CRACD: variants seen among roughly 807,000 people sequenced by gnomAD.
The protein encoded by CRACD is capping protein inhibiting regulator of actin dynamics, also known as capping protein-inhibiting regulator of actin dynamics.
CRACD carries 56 observed loss-of-function variants against 106.8 expected under a neutral mutation model. The observed-to-expected ratio is 0.52, with a 90% confidence interval of 0.42 to 0.66. The LOEUF (loss-of-function observed/expected upper bound fraction) is 0.66. Ranked by LOEUF, CRACD falls within the 30% of genes least tolerant of loss-of-function variation. The pLI is 0.00. For synonymous variants in CRACD, 754 were observed against 670.8 expected, an observed-to-expected ratio of 1.12 and a Z score of -1.92; for missense variants, 1,730 against 1,623.2, an observed-to-expected ratio of 1.07 and a Z score of -1.13.
At chr4:56,200,654 C>T (rs189822624) in intron 2 of CRACD, among the ~76,000 whole-genome samples, 551 of 152,214 alleles carry the variant, frequency 3.6e-3, no homozygotes, top group Non-Finnish European at 5.7e-3. Context: ...TATAAAATTA[C>T]TGAGAAATTA....
At chr4:56,163,396 C>T (rs887305140) in intron 1 of CRACD, among the ~76,000 whole-genome samples, 6 of 152,102 alleles carry the variant, frequency 3.9e-5, no homozygotes, top group Non-Finnish European at 7.4e-5. Context: ...TTGATTTACT[C>T]AGCTGAATAT....
At chr4:56,187,520 C>T (rs563387283) in intron 2 of CRACD, among the ~76,000 whole-genome samples, 43 of 152,030 alleles carry the variant, frequency 2.8e-4, no homozygotes, top group Non-Finnish European at 5.3e-4. Flanking sequence ...ATAGACTGTA[C>T]AGGCTTCTCT....
At chr4:56,266,276 T>A (rs915880091) in intron 2 of CRACD, among the ~76,000 whole-genome samples, 1 of 152,192 alleles carries the variant, frequency 6.6e-6, no homozygotes, top group African/African-American at 2.4e-5. Context: ...GTCTTACAGC[T>A]TAAGATGGCA....
intron 2 of CRACD, among the ~76,000 whole-genome samples, chr4:56,267,966 TC>T (rs1742127830): frequency 6.6e-6 from 1 of 152,152 alleles, no homozygotes; most frequent in Admixed American, 6.5e-5. Context: ...TGGCACCCTC[TC>T]CCAGCCTTTT....
At chr4:56,217,553 A>AG (rs1322216531) in intron 2 of CRACD, among the ~76,000 whole-genome samples, 9 of 152,190 alleles carry the variant, frequency 5.9e-5, no homozygotes, top group Non-Finnish European at 1.3e-4. Context: ...GGTTAAGATA[A>AG]GGGGCTGTGG....
chr4:56,215,605 C>A (rs1738637946), intron 2 of CRACD, among the ~76,000 whole-genome samples: 1 of 152,166 alleles, frequency 6.6e-6, no homozygotes. Flanking sequence ...AAGTCTGTCA[C>A]CTGTTTATGC....
chr4:56,211,167 T>G (rs1738383676), intron 2 of CRACD, among the ~76,000 whole-genome samples: 1 of 152,228 alleles, frequency 6.6e-6, no homozygotes, highest in Non-Finnish European at 1.5e-5. Flanking sequence ...ATTTTGCCAT[T>G]TCTAAAGCAA....
At chr4:56,129,607 G>T (rs1463882758) in intron 1 of CRACD, among the ~76,000 whole-genome samples, 1 of 152,178 alleles carries the variant, frequency 6.6e-6, no homozygotes, top group Non-Finnish European at 1.5e-5. Context: ...CTAGGTGATG[G>T]TCACCTGTCC....
intron 1 of CRACD, among the ~76,000 whole-genome samples, chr4:56,165,811 A>G (rs1736120114): frequency 6.6e-6 from 1 of 152,230 alleles, no homozygotes; most frequent in South Asian, 2.1e-4. Context: ...TAAATTAGCA[A>G]GCAAAGAGTT....
intron 2 of CRACD, among the ~76,000 whole-genome samples, chr4:56,199,145 C>T (rs1452382244): frequency 1.3e-5 from 2 of 152,088 alleles, no homozygotes; most frequent in Admixed American, 6.5e-5. Context: ...AGGTGTTCCT[C>T]CTGAGTTACA....
chr4:56,272,537 G>GC (rs1742418400), intron 3 of CRACD, 45 bp downstream of exon 3: 1 of 152,524 alleles, frequency 6.6e-6, no homozygotes, highest in Admixed American at 6.6e-5. Flanking sequence ...GGAGTCCCAG[G>GC]GTGGGGAATG....
At chr4:56,188,279 AC>A (rs1165106983) in intron 2 of CRACD, among the ~76,000 whole-genome samples, 37 of 152,282 alleles carry the variant, frequency 2.4e-4, no homozygotes, top group African/African-American at 8.4e-4. Flanking sequence ...TAGAACTGGA[AC>A]CCCAATTTCT....
intron 1 of CRACD, among the ~76,000 whole-genome samples, chr4:56,151,910 G>C (rs974554305): frequency 1.3e-5 from 2 of 152,070 alleles, no homozygotes; most frequent in Non-Finnish European, 2.9e-5. Flanking sequence ...CACCCTATCA[G>C]GTGGCTCTTG....
intron 2 of CRACD, among the ~76,000 whole-genome samples, chr4:56,222,460 G>T (rs1024023627): frequency 4.6e-5 from 7 of 152,056 alleles, no homozygotes; most frequent in Middle Eastern, 3.2e-3. Context: ...TGGGTAAGAG[G>T]TGCACTGAAA....
chr4:56,322,189 T>C (rs150545880), intron 8 of CRACD, among the ~76,000 whole-genome samples: 76 of 152,326 alleles, frequency 5.0e-4, no homozygotes, highest in Non-Finnish European at 9.1e-4. Flanking sequence ...ACAGCTCACT[T>C]TTGTAGAGTG....
chr4:56,102,583 TGACA>T (rs1733816371), intron 1 of CRACD, among the ~76,000 whole-genome samples: 1 of 152,244 alleles, frequency 6.6e-6, no homozygotes, highest in Non-Finnish European at 1.5e-5. Context: ...AGGCCTAGAA[TGACA>T]GACCAGAAGA....
intron 1 of CRACD, among the ~76,000 whole-genome samples, chr4:56,110,860 G>A (rs57719997): frequency 0.22 from 34,152 of 152,062 alleles, 4,011 homozygotes; most frequent in Middle Eastern, 0.3. Context: ...GCCTCCCAAA[G>A]TGCTGGGATT....
intron 1 of CRACD, among the ~76,000 whole-genome samples, chr4:56,100,025 G>A (rs1471257025): frequency 6.6e-6 from 1 of 152,088 alleles, no homozygotes; most frequent in Non-Finnish European, 1.5e-5. Context: ...GGCGGATCAC[G>A]AGGTCAGGAG....
At chr4:56,100,182 G>A (rs867428758) in intron 1 of CRACD, among the ~76,000 whole-genome samples, 1 of 152,208 alleles carries the variant, frequency 6.6e-6, no homozygotes, top group Middle Eastern at 3.4e-3. Flanking sequence ...AGCGGAGGTT[G>A]CAGTGAGCCG....
Sources: gnomAD v4.1 joint callset for allele counts (sites outside exome capture counted in the v4.1 genomes callset) on GRCh38, gnomAD v4.1.1 for gene constraint, MANE v1.5 for transcripts, NCBI Gene and HGNC (gene_info 2026-07-23, HGNC 2026-07-21) for gene names.